The following NIT2 variants were observed in gnomAD, a reference collection of about 807,000 sequenced individuals.
NIT2 encodes omega-amidase NIT2.
In NIT2, 46 loss-of-function variants were observed where a neutral mutation model predicts 42.7. That is an observed-to-expected ratio of 1.08 (90% confidence interval 0.85 to 1.38). NIT2 has a LOEUF of 1.38. Ranked by LOEUF, NIT2 falls within the 40% of genes most tolerant of loss-of-function variation. The probability of loss-of-function intolerance (pLI) is 0.00; values close to 1 mark genes in which losing one functional copy is unlikely to be tolerated. For synonymous variants in NIT2, 123 were observed against 121.9 expected (o/e 1.01, Z -0.06); for missense variants, 309 against 342.5 (o/e 0.90, Z 0.77).
At chr3:100,336,472 C>T (rs1041943442) in intron 1 of NIT2, among the ~76,000 whole-genome samples, 3 of 152,018 alleles carry the variant, frequency 2.0e-5, no homozygotes, top group Non-Finnish European at 2.9e-5. Flanking sequence ...AGGATCCCGT[C>T]GGCCTCTGAG....
Position 100,347,245 on chromosome 3 carries a change from A to G in NIT2, c.505+990A>G, listed in dbSNP as rs1363860419. ...TGAGTAGCTGGGATTACAGGTGCCCACCACCAGGCCCAGCTAATTTTTGTA... is the reference window on the plus strand; with the variant it reads ...TGAGTAGCTGGGATTACAGGTGCCCGCCACCAGGCCCAGCTAATTTTTGTA... On this transcript the variant is annotated intron_variant, in intron 6 of 9. Transcript: ENST00000394140. Among the ~76,000 whole-genome samples the G allele has an allele frequency of 3.9e-5, 6 of 151,936 alleles. No individual in the cohort carries two copies. The East Asian group carries it at 1.2e-3, about 30-fold the overall frequency.
chr3:100,346,376 C>T, intron 6 of NIT2, 121 bp downstream of exon 6: 1 of 817,506 alleles, frequency 1.2e-6, no homozygotes, highest in Non-Finnish European at 2.0e-6. Context: ...CATCTTCAGC[C>T]CTTTCACCCC....
In NIT2 at chr3:100,345,690, A is replaced by G. The variant is rs372927365; in HGVS notation, c.430+12A>G. 3.2e-6 allele frequency: 5 copies of G among 1,561,276 alleles called. No individual in the cohort carries two copies. The highest frequency in any genetic ancestry group is 3.5e-6 in the Non-Finnish European group (4 of 1,132,848). On this transcript the variant is annotated intron_variant, in intron 5 of 9. Coordinates refer to ENST00000394140, the MANE Select transcript of NIT2 (RefSeq NM_020202.5). ...CACATTTGATACTCGTATGTACCAG[A>G]TAAGTTTGCCTCTTTAGCAATCTCA...
In NIT2 at chr3:100,335,173, A is replaced by G. The variant is rs533582656; in HGVS notation, c.7+375A>G. On this transcript the variant is annotated intron_variant, in intron 1 of 9. Transcript: ENST00000394140. ...GTGACCTCCTCCAGCCCCGCCCTGCACAAAGGTGCCCAGGCGGTTCTTCGT... is the reference window on the plus strand; with the variant it reads ...GTGACCTCCTCCAGCCCCGCCCTGCGCAAAGGTGCCCAGGCGGTTCTTCGT... The G allele has an allele frequency of 1.1e-3, 249 of 234,428 alleles. 6 individuals carry two copies. The highest frequency in any genetic ancestry group is 7.8e-3 in the Middle Eastern group (17 of 2,184). 14.5% of individuals were successfully genotyped at this position (234,428 alleles called of 1,614,324 possible). A position where few individuals can be genotyped will look rare whatever the true frequency, so the allele number is the denominator to read the frequency against.
chr3:100,346,972 A>G (rs1706224223), intron 6 of NIT2, among the ~76,000 whole-genome samples: 1 of 152,204 alleles, frequency 6.6e-6, no homozygotes, highest in South Asian at 2.1e-4. Flanking sequence ...TGAGCCATAT[A>G]TCAATAAGCC....
intron 4 of NIT2, 87 bp downstream of exon 4, chr3:100,341,248 C>T (rs1706147331): frequency 1.2e-6 from 1 of 858,808 alleles, no homozygotes; most frequent in African/African-American, 1.7e-5. Flanking sequence ...GTTCCCTAGT[C>T]CCTCTCATTA....
chr3:100,343,152 A>G (rs775742762), intron 4 of NIT2, among the ~76,000 whole-genome samples: 23 of 150,790 alleles, frequency 1.5e-4, no homozygotes, highest in Non-Finnish European at 3.1e-4. Context: ...TGTTTTCATA[A>G]TCTTTAGTTC....
Position 100,352,418 on chromosome 3 carries a change from A to T in NIT2, c.599A>T (p.Gln200Leu), listed in dbSNP as rs145368494. 22 of 1,612,982 alleles carry T rather than the reference A, an allele frequency of 1.4e-5. No individual in the cohort carries two copies. Among genetic ancestry groups the T allele is most frequent in the Non-Finnish European group, 1.9e-5 (22 of 1,179,194 alleles). Residue 200 changes from glutamine to leucine, a missense_variant, in exon 8 of 10, where the codon CAG becomes CTG. Physicochemically the swap from Gln to Leu is moderately radical, Grantham distance 113. Coordinates refer to ENST00000394140, the MANE Select transcript of NIT2 (RefSeq NM_020202.5). ...LLQRSRAVDN[Q>L]VYVATASPAR... ...ATTGACTACAGGGCTGTTGATAATC[A>T]GGTGTATGTGGCCACAGCCTCTCCT...
rs1439183475 is a variant in NIT2, at chr3:100,356,905, A to G, written c.*1637A>G. On this transcript the variant is annotated 3_prime_UTR_variant, in exon 10 of 10. Transcript: ENST00000394140. The stretch of plus-strand genomic sequence containing the variant: ...TTTTCTGTATGTCTTCTTTCACTCA[A>G]AATCACTTGGAACTCAAAATTACTT... 1.3e-5 allele frequency: 2 copies of G among 152,196 alleles called. No homozygotes were observed. The highest frequency in any genetic ancestry group is 3.8e-4 in the East Asian group (2 of 5,198). The allele number at this position is 152,196 out of a possible 1,614,324, so 9.4% of individuals were successfully genotyped here.
chr3:100,358,836 A>G lies in NIT2; in HGVS notation c.*3568A>G, dbSNP rs1489978575. ...AAGATAAATGTTCTGCTCTATTGGC[A>G]CTGGTTTTAAGTCTTTTGTGCTACT... is the stretch of plus-strand genomic sequence containing the variant. On this transcript the variant is annotated 3_prime_UTR_variant, in exon 10 of 10. Coordinates refer to ENST00000394140, the MANE Select transcript of NIT2 (RefSeq NM_020202.5). 6.6e-6 allele frequency: 1 copy of G among 152,220 alleles called. No homozygotes were observed. Among genetic ancestry groups the G allele is most frequent in the East Asian group, 1.9e-4 (1 of 5,192 alleles). 9.4% of individuals were successfully genotyped at this position (152,220 alleles called of 1,614,324 possible).
chr3:100,346,322 G>A (rs1223016631), intron 6 of NIT2, 67 bp downstream of exon 6: 1 of 1,408,026 alleles, frequency 7.1e-7, no homozygotes, highest in East Asian at 2.3e-5. Flanking sequence ...GTCTATGTGG[G>A]ATCCTTAGTC....
At chr3:100,340,283 T>G (rs891189970) in intron 3 of NIT2, among the ~76,000 whole-genome samples, 34 of 152,074 alleles carry the variant, frequency 2.2e-4, no homozygotes, top group African/African-American at 8.2e-4. Flanking sequence ...CCAGGCTGGT[T>G]TTGAACTCCT....
intron 6 of NIT2, among the ~76,000 whole-genome samples, chr3:100,347,863 A>G (rs912752055): frequency 6.6e-6 from 1 of 152,082 alleles, no homozygotes; most frequent in Non-Finnish European, 1.5e-5. Flanking sequence ...AGTCATGCGC[A>G]AGGAGGTTTG....
intron 4 of NIT2, among the ~76,000 whole-genome samples, chr3:100,342,869 T>C (rs1706171112): frequency 6.6e-6 from 1 of 152,188 alleles, no homozygotes; most frequent in South Asian, 2.1e-4. Flanking sequence ...ATCTGGTATA[T>C]CCTTCAGACC....
chr3:100,349,124 TTTC>T, intron 7 of NIT2: 1 of 387,026 alleles, frequency 2.6e-6, no homozygotes, highest in Non-Finnish European at 4.8e-6. Context: ...TTTTTTTTTT[TTTC>T]TTTTTAAGAG....
rs112096266 is a variant in NIT2, at chr3:100,352,488, C to A, written c.669C>A (p.Thr223=). Reference sequence around the variant, plus strand: ...CCTATGTTGCCTGGGGACACAGCACCGTGGTGAACCCTTGGTGAGTAAGGC... The same window carrying A: ...CCTATGTTGCCTGGGGACACAGCACAGTGGTGAACCCTTGGTGAGTAAGGC... The part of the protein sequence containing the change: ...KASYVAWGHS[T]VVNPWGEVLA... Residue 223 remains threonine, a synonymous_variant, in exon 8 of 10, where the codon ACC becomes ACA. Transcript: ENST00000394140. 2.1e-5 allele frequency: 34 copies of A among 1,612,676 alleles called. No homozygotes were observed. Among genetic ancestry groups the A allele is most frequent in the Non-Finnish European group, 2.7e-5 (32 of 1,179,026 alleles).
At chr3:100,346,298 T>G (rs1706216731) in intron 6 of NIT2, 43 bp downstream of exon 6, 1 of 1,564,144 alleles carries the variant, frequency 6.4e-7, no homozygotes, top group East Asian at 2.2e-5. Context: ...GCTTGGAGGC[T>G]TGGTTCTAGG....
intron 4 of NIT2, among the ~76,000 whole-genome samples, 178 bp downstream of exon 4, chr3:100,341,339 C>T (rs561687757): frequency 6.6e-6 from 1 of 152,258 alleles, no homozygotes; most frequent in South Asian, 2.1e-4. Flanking sequence ...AAGTTTTAGA[C>T]TCAGCCTGTC....
chr3:100,355,276 G>T lies in NIT2; in HGVS notation c.*8G>T. 1 of 1,592,470 alleles carries T rather than the reference G, an allele frequency of 6.3e-7. No homozygotes were observed. Among genetic ancestry groups the T allele is most frequent in the Non-Finnish European group, 8.6e-7 (1 of 1,160,692 alleles). On this transcript the variant is annotated 3_prime_UTR_variant, in exon 10 of 10. Coordinates refer to ENST00000394140, the MANE Select transcript of NIT2 (RefSeq NM_020202.5). ...GAGATGAAAAAGCCCTAAAGTTTAT[G>T]TTTCTAATGTGTCACAGAATAGGAC...
Sources: gnomAD v4.1 joint callset for allele counts (sites outside exome capture counted in the v4.1 genomes callset) on GRCh38, gnomAD v4.1.1 for gene constraint, MANE v1.5 for transcripts, NCBI Gene and HGNC (gene_info 2026-07-23, HGNC 2026-07-21) for gene names.